DPYSL2: variants seen among roughly 807,000 people sequenced by gnomAD.
The protein encoded by DPYSL2 is dihydropyrimidinase like 2.
A neutral mutation model predicts 69.9 loss-of-function variants in DPYSL2; 13 were observed. The observed-to-expected ratio is 0.19, with a 90% CI of 0.12 to 0.30. DPYSL2 has a LOEUF of 0.30. DPYSL2 is among the 10% of genes least tolerant of loss of function. The probability of loss-of-function intolerance (pLI) is 1.00; values close to 1 mark genes in which losing one functional copy is unlikely to be tolerated. For synonymous variants in DPYSL2, 326 were observed against 359.1 expected, an observed-to-expected ratio of 0.91 and a Z score of 1.04; for missense variants, 587 against 918.9, an observed-to-expected ratio of 0.64 and a Z score of 4.67.
At chr8:26,538,193 A>G (rs79885658) in intron 1 of DPYSL2, among the ~76,000 whole-genome samples, 1,864 of 152,310 alleles carry the variant, frequency 0.012, 12 homozygotes, top group South Asian at 0.051. Context: ...GAAAAATTTT[A>G]TACTTATTGA....
intron 1 of DPYSL2, among the ~76,000 whole-genome samples, chr8:26,546,622 A>C (rs1252804894): frequency 6.6e-6 from 1 of 152,152 alleles, no homozygotes; most frequent in East Asian, 1.9e-4. Context: ...TCTCACAACA[A>C]GAAAAATCCT....
chr8:26,606,791 TTATA>T (rs1223408308), intron 3 of DPYSL2, among the ~76,000 whole-genome samples: 1 of 152,242 alleles, frequency 6.6e-6, no homozygotes, highest in African/African-American at 2.4e-5. Flanking sequence ...TTAATTTCTT[TTATA>T]TAAATAATAC....
chr8:26,522,382 G>C (rs1171342056), intron 1 of DPYSL2, among the ~76,000 whole-genome samples: 1 of 152,160 alleles, frequency 6.6e-6, no homozygotes, highest in Admixed American at 6.5e-5. Flanking sequence ...TAGAATTGCT[G>C]GTCATGTAAT....
chr8:26,541,074 G>A (rs1585497501), intron 1 of DPYSL2, among the ~76,000 whole-genome samples: 1 of 152,004 alleles, frequency 6.6e-6, no homozygotes, highest in East Asian at 1.9e-4. Context: ...CACCATGTTG[G>A]GAATCTTCTG....
chr8:26,559,142 C>T (rs760173186), intron 1 of DPYSL2, among the ~76,000 whole-genome samples: 3 of 152,060 alleles, frequency 2.0e-5, no homozygotes, highest in South Asian at 2.1e-4. Flanking sequence ...GGGGTTTCAC[C>T]GTGTTGCCCA....
chr8:26,556,051 T>A (rs1453293023), intron 1 of DPYSL2, among the ~76,000 whole-genome samples: 15 of 92,642 alleles, frequency 1.6e-4, no homozygotes, highest in African/African-American at 6.4e-4. Flanking sequence ...TAGTTTATAG[T>A]ATATATAAAT....
rs566301136 is a variant in DPYSL2 at position 26,627,078 on chromosome 8, A to G, written c.856-137A>G. 1.3e-5 allele frequency: 10 copies of G among 752,042 alleles called. No homozygotes were observed. In the South Asian group the frequency reaches 1.7e-4, roughly 13 times the overall value. The allele number at this position is 752,042 out of a possible 1,614,324, so 46.6% of individuals were successfully genotyped here. ...CCAGTAACATTGCCCTCATCATATC[A>G]AAAAAAGTCAGGCTAATAGAATCGC... is the stretch of plus-strand genomic sequence containing the variant. On this transcript the variant is annotated intron_variant, in intron 5 of 13. Transcript: ENST00000521913. The surrounding 1 kb of genome is among the most constrained non-coding windows in gnomAD (Gnocchi z 6.9).
At chr8:26,552,853 A>G (rs1382094956) in intron 1 of DPYSL2, among the ~76,000 whole-genome samples, 1 of 152,218 alleles carries the variant, frequency 6.6e-6, no homozygotes, top group African/African-American at 2.4e-5. Flanking sequence ...TGCACTGCGG[A>G]TGAAGTTTCA....
chr8:26,593,988 G>A lies in DPYSL2; in HGVS notation c.628+10005G>A, dbSNP rs763565575. On this transcript the variant is annotated intron_variant, in intron 3 of 13. Coordinates refer to ENST00000521913, the MANE Select transcript of DPYSL2 (RefSeq NM_001197293.3). The surrounding 1 kb of genome is among the most constrained non-coding windows in gnomAD (Gnocchi z 5.7). The stretch of plus-strand genomic sequence containing the variant: ...AAGGCAGCCATTCACCTCCTTCCCA[G>A]CCCCGCTCCCACAGCTGGGCACGGT... 1.2e-4 allele frequency among the ~76,000 whole-genome samples: 18 copies of A among 152,122 alleles called. 1 individual carries two copies. Among genetic ancestry groups the A allele is most frequent in the Non-Finnish European group, 2.2e-4 (15 of 68,010 alleles).
At position 26,598,412 on chromosome 8, in the gene DPYSL2, GCT is replaced by G. The variant is rs1234760423; in HGVS notation, c.628+14432_628+14433del. 1.3e-5 allele frequency among the ~76,000 whole-genome samples: 2 copies of G among 152,152 alleles called. No homozygotes were observed. Among genetic ancestry groups the G allele is most frequent in the Non-Finnish European group, 2.9e-5 (2 of 68,032 alleles). ...TTTCTTTTCTTGCTAAGCCTATTCA[GCT>G]CTGTTTTTTAGAGAGTTCTTTTCCC... On this transcript the variant is annotated intron_variant, in intron 3 of 13. Transcript: ENST00000521913. This position sits in a 1 kb window ranked among gnomAD's most constrained non-coding sequence, Gnocchi z 4.2.
At position 26,514,379 on chromosome 8, in the gene DPYSL2, T is replaced by G; in HGVS notation, c.54T>G (p.Ala18=). 5 of 1,515,016 alleles carry G rather than the reference T, an allele frequency of 3.3e-6. No individual in the cohort carries two copies. Among genetic ancestry groups the G allele is most frequent in the Non-Finnish European group, 4.4e-6 (5 of 1,138,360 alleles). The allele number at this position is 1,515,016 out of a possible 1,614,324, so 93.8% of individuals were successfully genotyped here. ...CGGCAGAGGACGAAGAGGTCCCTGC[T>G]TTTTTTAAAAACCTGGGCTCCGGCA... ...GKAAEDEEVP[A]FFKNLGSGSP... The change falls in exon 1 of 14, where the codon GCT becomes GCG. Residue 18 remains alanine, a synonymous_variant. Transcript: ENST00000521913. This position sits in a 1 kb window ranked among gnomAD's most constrained non-coding sequence, Gnocchi z 8.4.
intron 1 of DPYSL2, among the ~76,000 whole-genome samples, chr8:26,541,127 C>A (rs1899494): frequency 0.35 from 53,242 of 151,794 alleles, 10,336 homozygotes; most frequent in African/African-American, 0.53. Flanking sequence ...AAGTTAAGGA[C>A]AAATAAAGAA....
In DPYSL2 at chr8:26,581,228, C is replaced by G. The variant is rs115204934; in HGVS notation, c.355-741C>G. ...ACCCAGTGTATTTGTGTGGTATATC[C>G]CGTGACAGCAGACTTTTTGGTCAAT... On this transcript the variant is annotated intron_variant, in intron 1 of 13. Transcript: ENST00000521913. Among the ~76,000 whole-genome samples, 297 of 152,192 alleles carry G rather than the reference C, an allele frequency of 2.0e-3. 3 individuals are homozygous for G. The highest frequency in any genetic ancestry group is 6.7e-3 in the African/African-American group (279 of 41,508).
intron 3 of DPYSL2, among the ~76,000 whole-genome samples, chr8:26,618,960 A>G (rs1484059972): frequency 6.6e-6 from 1 of 151,984 alleles, no homozygotes; most frequent in African/African-American, 2.4e-5. Flanking sequence ...CGCCATCTCA[A>G]AAGAAAAAAA....
chr8:26,569,064 C>A (rs1236064737), intron 1 of DPYSL2, among the ~76,000 whole-genome samples: 1 of 152,068 alleles, frequency 6.6e-6, no homozygotes, highest in Non-Finnish European at 1.5e-5. Context: ...CTTTTAAAAG[C>A]CTGGGGTGAA....
rs891356621 is a variant in DPYSL2, at chr8:26,620,589, G to C, written c.629-3554G>C. Among the ~76,000 whole-genome samples, 4 of 151,890 alleles carry C rather than the reference G, an allele frequency of 2.6e-5. No individual in the cohort carries two copies. Among genetic ancestry groups the C allele is most frequent in the Non-Finnish European group, 5.9e-5 (4 of 67,988 alleles). The stretch of plus-strand genomic sequence containing the variant: ...GCAAAATAGCCCAGGAACAGAACCT[G>C]GTATTGTCTCTCTGTAAAGTATGAG... On this transcript the variant is annotated intron_variant, in intron 3 of 13. Transcript: ENST00000521913. The surrounding 1 kb of genome is among the most constrained non-coding windows in gnomAD (Gnocchi z 4.5).
chr8:26,539,696 C>T (rs1386525712), intron 1 of DPYSL2, among the ~76,000 whole-genome samples: 6 of 152,132 alleles, frequency 3.9e-5, no homozygotes, highest in Non-Finnish European at 5.9e-5. Context: ...TGCACCACCA[C>T]GTCCGGCTAA....
chr8:26,636,431 G>T (rs1192765125), intron 8 of DPYSL2, among the ~76,000 whole-genome samples: 2 of 152,208 alleles, frequency 1.3e-5, no homozygotes, highest in African/African-American at 4.8e-5. Context: ...TTACTACTGC[G>T]CTGTACCTAG....
intron 3 of DPYSL2, among the ~76,000 whole-genome samples, chr8:26,622,158 CCTCTCTCTCTCT>C (rs1802505880): frequency 5.5e-5 from 2 of 36,394 alleles, no homozygotes; most frequent in Non-Finnish European, 1.2e-4. Context: ...TCCTTCCTTC[CCTCTCTCTCTCT>C]TTCTTTCTTT....
Sources: allele counts gnomAD v4.1 joint callset (sites outside exome capture counted in the v4.1 genomes callset), GRCh38; gene constraint gnomAD v4.1.1; non-coding constraint Gnocchi (gnomAD v3.1); transcripts MANE v1.5; gene names NCBI Gene and HGNC (gene_info 2026-07-23, HGNC 2026-07-21).